MCOLN3: variants seen among roughly 807,000 people sequenced by gnomAD.
The protein encoded by MCOLN3 is mucolipin-3.
Under a neutral mutation model 69.4 loss-of-function variants are expected in MCOLN3, and 62 were observed. That is an observed-to-expected ratio of 0.89 (90% CI 0.73 to 1.10). The LOEUF is 1.10. MCOLN3 is among the 50% of genes least tolerant of loss of function. The pLI is 0.00. For synonymous variants in MCOLN3, 183 were observed against 217.0 expected, an observed-to-expected ratio of 0.84 and a Z score of 1.38; for missense variants, 564 against 656.4, an observed-to-expected ratio of 0.86 and a Z score of 1.54.
chr1:85,043,631 A>ATTCATGTTCAATT (rs1553163349), intron 2 of MCOLN3, among the ~76,000 whole-genome samples: 2 of 152,274 alleles, frequency 1.3e-5, no homozygotes, highest in East Asian at 3.9e-4. Context: ...AGTAGAAAAT[A>ATTCATGTTCAATT]TTCATGTTCA....
chr1:85,025,588 T>TAAAAAAAAAAAAA (rs34065139), intron 9 of MCOLN3: 1 of 157,682 alleles, frequency 6.3e-6, no homozygotes. Flanking sequence ...CTTGTAAGAT[T>TAAAAAAAAAAAAA]AAAAAAAAAA....
rs974852886 is a variant in MCOLN3, at chr1:85,021,083, T to C, written c.1514A>G (p.Tyr505Cys). 2 of 1,607,822 alleles carry C rather than the reference T, an allele frequency of 1.2e-6. No individual in the cohort carries two copies. The highest frequency in any genetic ancestry group is 1.3e-5 in the African/African-American group (1 of 74,800). Residue 505 changes from tyrosine (Y) to cysteine (C), a missense_variant, in exon 12 of 13, where the codon TAC becomes TGC. Tyr to Cys is a radical substitution (Grantham distance 194). Transcript: ENST00000370589. ...TGATAAACCTACCTTAATTGTTTCG[T>C]ATGTATCAGTGATCAGTGCAATGAA... is the stretch of plus-strand genomic sequence containing the variant. Reference protein sequence around the residue: ...SLFIALITDTYETIKQYQQDG... With the variant: ...SLFIALITDTCETIKQYQQDG...
intron 3 of MCOLN3, among the ~76,000 whole-genome samples, chr1:85,034,928 T>G (rs1023013424): frequency 2.7e-4 from 41 of 152,262 alleles, no homozygotes; most frequent in African/African-American, 9.2e-4. Flanking sequence ...TCTGTCACTC[T>G]TGAAATGAAC....
At chr1:85,026,132 C>G in intron 8 of MCOLN3, 40 bp downstream of exon 8, 1 of 1,613,296 alleles carries the variant, frequency 6.2e-7, no homozygotes, top group Non-Finnish European at 8.5e-7. Context: ...CTCTGTCAAT[C>G]AAAATGTCAG....
chr1:85,025,805 T>C lies in MCOLN3; in HGVS notation c.1095+134A>G, dbSNP rs1652184498. The C allele has an allele frequency of 5.5e-6, 5 of 911,320 alleles. No homozygotes were observed. In the East Asian group the frequency reaches 8.1e-5, roughly 15 times the overall value. 56.5% of individuals were successfully genotyped at this position (911,320 alleles called of 1,614,324 possible). A position where few individuals can be genotyped will look rare whatever the true frequency, so the allele number is the denominator to read the frequency against. On this transcript the variant is annotated intron_variant, in intron 9 of 12. Transcript: ENST00000370589. Reference sequence around the variant, plus strand: ...CTGACTAGATTTAAGAAAATTACCATTACCAATTTCAAGTCTACTTGATAT... The same window carrying C: ...CTGACTAGATTTAAGAAAATTACCACTACCAATTTCAAGTCTACTTGATAT...
Position 85,021,229 on chromosome 1 carries a change from A to T in MCOLN3, c.1368T>A (p.Asn456Lys). 6.2e-7 allele frequency: 1 copy of T among 1,613,862 alleles called. No individual in the cohort carries two copies. Residue 456 changes from asparagine (N) to lysine (K), a missense_variant, in exon 12 of 13, where the codon AAT becomes AAA. Physicochemically the swap from Asn to Lys is moderately conservative, Grantham distance 94. Coordinates refer to ENST00000370589, the MANE Select transcript of MCOLN3 (RefSeq NM_018298.11). ...MVSECLFSLI[N>K]GDDMFATFAK... ...CAAACGTGGCAAACATATCATCTCCATTTATCAGAGAGAAAAGGCACTCAG... is the reference window on the plus strand; with the variant it reads ...CAAACGTGGCAAACATATCATCTCCTTTTATCAGAGAGAAAAGGCACTCAG...
intron 2 of MCOLN3, among the ~76,000 whole-genome samples, chr1:85,043,561 T>G (rs758028697): frequency 1.3e-5 from 2 of 151,470 alleles, no homozygotes; most frequent in South Asian, 2.1e-4. Context: ...CATGATGACA[T>G]CTATAAAATG....
intron 2 of MCOLN3, among the ~76,000 whole-genome samples, chr1:85,043,837 G>A (rs1013244039): frequency 1.1e-4 from 17 of 150,128 alleles, no homozygotes; most frequent in African/African-American, 3.2e-4. Context: ...GACTAGCCAT[G>A]TGACTTTTTT....
intron 3 of MCOLN3, among the ~76,000 whole-genome samples, chr1:85,039,357 G>A (rs1259545309): frequency 6.6e-6 from 1 of 152,176 alleles, no homozygotes; most frequent in African/African-American, 2.4e-5. Context: ...ATAAAAGGCT[G>A]GGAGAAATTA....
At chr1:85,042,430 T>A (rs7519717) in intron 2 of MCOLN3, among the ~76,000 whole-genome samples, 144,821 of 152,340 alleles carry the variant, frequency 0.95, 69,038 homozygotes, top group East Asian at 0.99. Flanking sequence ...CCTAACTCTC[T>A]TTTCTGCAGA....
At chr1:85,022,275 A>G in intron 10 of MCOLN3, 24 bp downstream of exon 10, 1 of 1,613,748 alleles carries the variant, frequency 6.2e-7, no homozygotes, top group Non-Finnish European at 8.5e-7. Flanking sequence ...TACCAACAGC[A>G]TGGAGATCCG....
chr1:85,018,919 T>G lies in MCOLN3; in HGVS notation c.*204A>C. 2.0e-6 allele frequency: 1 copy of G among 511,642 alleles called. No individual in the cohort carries two copies. The highest frequency in any genetic ancestry group is 3.3e-6 in the Non-Finnish European group (1 of 298,702). 31.7% of individuals were successfully genotyped at this position (511,642 alleles called of 1,614,324 possible). On this transcript the variant is annotated 3_prime_UTR_variant, in exon 13 of 13. Coordinates refer to ENST00000370589, the MANE Select transcript of MCOLN3 (RefSeq NM_018298.11). ...AATCCAATAGCTTTCCTCATTAAAG[T>G]TTTTTTAAAAACAATCCCAGCATAA...
At chr1:85,047,755 TCAAA>T (rs777842238) in intron 1 of MCOLN3, 3 of 152,350 alleles carry the variant, frequency 2.0e-5, no homozygotes, top group East Asian at 1.9e-4. Flanking sequence ...TCTTTTTTTT[TCAAA>T]CAAACAAACA....
At position 85,032,938 on chromosome 1, in the gene MCOLN3, G is replaced by A. The variant is rs748014862; in HGVS notation, c.569C>T (p.Pro190Leu). Residue 190 changes from proline to leucine, a missense_variant, in exon 5 of 13, where the codon CCA becomes CTA. Pro to Leu is a moderately conservative substitution (Grantham distance 98, BLOSUM62 -3). Coordinates refer to ENST00000370589, the MANE Select transcript of MCOLN3 (RefSeq NM_018298.11). ...TGTCCCAATGTGAAAAGGTTCATCT[G>A]GCTCCACAAAGAAACACTCTGCCAT... ...EIETECFFVE[P>L]DEPFHIGTPA... 2.5e-6 allele frequency: 4 copies of A among 1,613,826 alleles called. No individual in the cohort carries two copies. The highest frequency in any genetic ancestry group is 3.4e-6 in the Non-Finnish European group (4 of 1,180,044).
intron 7 of MCOLN3, among the ~76,000 whole-genome samples, chr1:85,027,386 C>T (rs1007300395): frequency 6.6e-6 from 1 of 152,194 alleles, no homozygotes; most frequent in South Asian, 2.1e-4. Flanking sequence ...GCATGATTAT[C>T]CCCACTTTGC....
At chr1:85,019,657 A>G (rs540807946) in intron 12 of MCOLN3, among the ~76,000 whole-genome samples, 2 of 152,346 alleles carry the variant, frequency 1.3e-5, no homozygotes, top group South Asian at 2.1e-4. Context: ...TCAGGCCACA[A>G]GAAGCCCAGT....
intron 2 of MCOLN3, among the ~76,000 whole-genome samples, chr1:85,042,898 G>C (rs920519858): frequency 6.6e-6 from 1 of 152,162 alleles, no homozygotes; most frequent in Non-Finnish European, 1.5e-5. Flanking sequence ...TGATTGCTCT[G>C]ATATAAATTA....
At chr1:85,029,368 C>G (rs1277225717) in intron 6 of MCOLN3, 163 bp from the exon 7 acceptor site, 1 of 582,178 alleles carries the variant, frequency 1.7e-6, no homozygotes, top group African/African-American at 1.9e-5. Context: ...CTCTTCATTT[C>G]TCTGTGAAAT....
intron 3 of MCOLN3, among the ~76,000 whole-genome samples, chr1:85,039,752 C>A (rs1452799124): frequency 1.3e-5 from 2 of 151,966 alleles, no homozygotes. Context: ...GTTTGAGCAA[C>A]CTGGGCAACA....
Sources: gnomAD v4.1 joint callset for allele counts (sites outside exome capture counted in the v4.1 genomes callset) on GRCh38, gnomAD v4.1.1 for gene constraint, MANE v1.5 for transcripts, NCBI Gene and HGNC (gene_info 2026-07-23, HGNC 2026-07-21) for gene names.